The following CIBAR1 variants were observed in gnomAD, a reference collection of about 807,000 sequenced individuals.
The protein encoded by CIBAR1 is CBY1 interacting BAR domain containing 1.
CIBAR1 carries 25 observed loss-of-function variants against 44.0 expected under a neutral mutation model. That is an observed-to-expected ratio of 0.57 (90% CI 0.41 to 0.79). CIBAR1 has a LOEUF of 0.79. CIBAR1 is among the 30% of genes least tolerant of loss of function. The pLI is 0.00. For missense variants in CIBAR1, 278 were observed against 344.8 expected, an observed-to-expected ratio of 0.81 and a Z score of 1.53; for synonymous variants, 115 against 119.0, an observed-to-expected ratio of 0.97 and a Z score of 0.22.
At chr8:93,703,797 G>A (rs762293480) in intron 3 of CIBAR1, 109 bp downstream of exon 3, 104 of 875,082 alleles carry the variant, frequency 1.2e-4, no homozygotes, top group Non-Finnish European at 1.7e-4. Flanking sequence ...AAGAGTGGTG[G>A]CTCATGCCTG....
At chr8:93,702,318 C>A (rs1196882774) in intron 2 of CIBAR1, 2 of 399,350 alleles carry the variant, frequency 5.0e-6, no homozygotes, top group Non-Finnish European at 1.0e-5. Context: ...CTGTAATAAA[C>A]AAGTAACTCT....
chr8:93,719,982 T>C (rs1016992175), intron 7 of CIBAR1: 8 of 150,616 alleles, frequency 5.3e-5, no homozygotes, highest in African/African-American at 2.0e-4. Flanking sequence ...TTTTTTTTTT[T>C]GTATCTTCCC....
At chr8:93,701,108 T>TG in intron 1 of CIBAR1, 116 bp from the exon 2 acceptor site, 1 of 1,493,238 alleles carries the variant, frequency 6.7e-7, no homozygotes, top group African/African-American at 1.4e-5. Context: ...GGGTCGTTGA[T>TG]GGGTTTACGC....
chr8:93,726,316 C>A, intron 7 of CIBAR1, 78 bp from the exon 8 acceptor site: 506 of 1,220,266 alleles, frequency 4.1e-4, no homozygotes, highest in East Asian at 1.5e-3. Flanking sequence ...AAAAAAAAAT[C>A]TTAACTAAGG....
At chr8:93,707,985 AT>A in intron 4 of CIBAR1, 25 bp from the exon 5 acceptor site, 2 of 1,530,552 alleles carry the variant, frequency 1.3e-6, no homozygotes, top group Admixed American at 1.9e-5. Flanking sequence ...TTTGAAATGT[AT>A]TTTTTCCTTT....
At position 93,709,743 on chromosome 8, in the gene CIBAR1, T is replaced by C. The variant is rs541216491; in HGVS notation, c.439-28T>C. On this transcript the variant is annotated intron_variant, in intron 5 of 8. Coordinates refer to ENST00000518322, the MANE Select transcript of CIBAR1 (RefSeq NM_145269.5). ...ATGAATTCTCATTTGATTTTTTTTA[T>C]ATCCTTGGTTGGGGAATACTTTTGT... The C allele has an allele frequency of 3.8e-6, 6 of 1,584,412 alleles. No homozygotes were observed. The Admixed American group carries it at 1.0e-4, about 27-fold the overall frequency.
At chr8:93,703,400 T>C (rs1466593238) in intron 2 of CIBAR1, among the ~76,000 whole-genome samples, 1 of 152,198 alleles carries the variant, frequency 6.6e-6, no homozygotes, top group Non-Finnish European at 1.5e-5. Flanking sequence ...AATCCTAAGA[T>C]GATGATGTGG....
At chr8:93,700,862 G>T in intron 1 of CIBAR1, 189 bp downstream of exon 1, 2 of 1,310,230 alleles carry the variant, frequency 1.5e-6, no homozygotes, top group Non-Finnish European at 1.9e-6. Flanking sequence ...GAGGAGCCCG[G>T]GGCCCGGCCG....
chr8:93,702,473 T>C, intron 2 of CIBAR1: 1 of 453,212 alleles, frequency 2.2e-6, no homozygotes, highest in East Asian at 7.0e-5. Context: ...AGTGAATTGA[T>C]TTGCATTTGT....
chr8:93,718,860 G>C, intron 7 of CIBAR1, 72 bp downstream of exon 7: 1 of 941,736 alleles, frequency 1.1e-6, no homozygotes, highest in South Asian at 2.0e-5. Context: ...ATTAGTATGT[G>C]ATTAATATCT....
In CIBAR1 at chr8:93,729,877, A is replaced by C. The variant is rs1811721148; in HGVS notation, c.*1580A>C. 6.6e-6 allele frequency: 1 copy of C among 152,210 alleles called. No individual in the cohort carries two copies. The highest frequency in any genetic ancestry group is 2.4e-5 in the African/African-American group (1 of 41,462). The allele number at this position is 152,210 out of a possible 1,614,324, so 9.4% of individuals were successfully genotyped here. A position where few individuals can be genotyped will look rare whatever the true frequency, so the allele number is the denominator to read the frequency against. On this transcript the variant is annotated 3_prime_UTR_variant, in exon 9 of 9. Transcript: ENST00000518322. The stretch of plus-strand genomic sequence containing the variant: ...CCCAGCCTGTAAGTCTCCATCTCTT[A>C]TCTCCAAAATAGGAATACAAATTGA...
chr8:93,715,367 A>G (rs888177847), intron 6 of CIBAR1: 1 of 152,216 alleles, frequency 6.6e-6, no homozygotes, highest in Non-Finnish European at 1.5e-5. Context: ...CATGAGCAAG[A>G]AACATCATAA....
intron 7 of CIBAR1, chr8:93,719,883 T>C (rs1398389531): frequency 6.6e-6 from 1 of 152,100 alleles, no homozygotes; most frequent in African/African-American, 2.4e-5. Flanking sequence ...AAAAAAGCCA[T>C]GTAATCCCAC....
intron 6 of CIBAR1, among the ~76,000 whole-genome samples, chr8:93,712,359 C>T (rs1236791480): frequency 6.6e-6 from 1 of 152,174 alleles, no homozygotes; most frequent in East Asian, 1.9e-4. Context: ...AAGGCATATC[C>T]ATGTTGTAGG....
At chr8:93,723,034 T>G (rs1306008478) in intron 7 of CIBAR1, among the ~76,000 whole-genome samples, 3 of 152,234 alleles carry the variant, frequency 2.0e-5, no homozygotes, top group Non-Finnish European at 4.4e-5. Flanking sequence ...TCTCGCTCTG[T>G]CGCCCAGGCT....
At position 93,721,600 on chromosome 8, in the gene CIBAR1, T is replaced by G. The variant is rs1227760906; in HGVS notation, c.657+2812T>G. ...CAAGTTAACTTCTTCGCTCTTCAGC[T>G]TCCTCCTTTCTAAAATGGAGATACT... On this transcript the variant is annotated intron_variant, in intron 7 of 8. Coordinates refer to ENST00000518322, the MANE Select transcript of CIBAR1 (RefSeq NM_145269.5). Among the ~76,000 whole-genome samples the G allele has an allele frequency of 2.6e-5, 4 of 152,322 alleles. No homozygotes were observed. In the South Asian group the frequency reaches 8.3e-4, roughly 32 times the overall value.
At chr8:93,720,009 A>C (rs1311209843) in intron 7 of CIBAR1, 1 of 147,680 alleles carries the variant, frequency 6.8e-6, no homozygotes, top group Non-Finnish European at 1.5e-5. Flanking sequence ...TCCAAGACAG[A>C]GTCTTGCTCT....
chr8:93,722,672 C>T (rs1811312589), intron 7 of CIBAR1, among the ~76,000 whole-genome samples: 1 of 151,938 alleles, frequency 6.6e-6, no homozygotes, highest in Non-Finnish European at 1.5e-5. Flanking sequence ...TGCACTCCAG[C>T]CTGGGTGACA....
chr8:93,718,518 A>G (rs1317626893), intron 6 of CIBAR1, among the ~76,000 whole-genome samples, 157 bp from the exon 7 acceptor site: 6 of 152,216 alleles, frequency 3.9e-5, no homozygotes, highest in Non-Finnish European at 7.3e-5. Context: ...GGTCTTCACA[A>G]CTGTTTTTCA....
Sources: allele counts gnomAD v4.1 joint callset (sites outside exome capture counted in the v4.1 genomes callset), GRCh38; gene constraint gnomAD v4.1.1; transcripts MANE v1.5; gene names NCBI Gene and HGNC (gene_info 2026-07-23, HGNC 2026-07-21).